LEPR: variants seen among roughly 807,000 people sequenced by gnomAD.
LEPR encodes the protein OB receptor.
A neutral mutation model predicts 114.7 loss-of-function variants in LEPR; 56 were observed. The observed-to-expected ratio is 0.49, with a 90% confidence interval of 0.39 to 0.61. LEPR has a LOEUF of 0.61. Ranked by LOEUF, LEPR falls within the 20% of genes least tolerant of loss-of-function variation. LEPR has a pLI of 0.00. For missense variants in LEPR, 1,202 were observed against 1,352.9 expected, an observed-to-expected ratio of 0.89 and a Z score of 1.75; for synonymous variants, 443 against 461.4, an observed-to-expected ratio of 0.96 and a Z score of 0.51.
chr1:65,460,295 A>G (rs1646928643), intron 2 of LEPR, among the ~76,000 whole-genome samples: 1 of 152,192 alleles, frequency 6.6e-6, no homozygotes, highest in Non-Finnish European at 1.5e-5. Flanking sequence ...CAGAGTCAGG[A>G]GTCACCTCAG....
intron 3 of LEPR, among the ~76,000 whole-genome samples, chr1:65,569,404 C>T (rs1001709352): frequency 7.2e-5 from 11 of 152,050 alleles, no homozygotes; most frequent in Admixed American, 1.3e-4. Flanking sequence ...TATTTTCAAA[C>T]AAATATTTAA....
At chr1:65,516,119 A>T (rs1012126338) in intron 2 of LEPR, among the ~76,000 whole-genome samples, 1 of 152,200 alleles carries the variant, frequency 6.6e-6, no homozygotes, top group African/African-American at 2.4e-5. Flanking sequence ...GGCTTTCATT[A>T]AGTCAACTTT....
At chr1:65,575,204 C>T (rs149543518) in intron 5 of LEPR, among the ~76,000 whole-genome samples, 105 of 152,240 alleles carry the variant, frequency 6.9e-4, no homozygotes, top group African/African-American at 2.4e-3. Context: ...CTAGCTCCCC[C>T]ACAGGTAGAA....
chr1:65,583,823 C>T (rs1655149302), intron 5 of LEPR, among the ~76,000 whole-genome samples: 1 of 151,798 alleles, frequency 6.6e-6, no homozygotes. Context: ...AATTGGTAGA[C>T]AAAGACAGCT....
At chr1:65,603,482 C>T (rs1656593346) in intron 10 of LEPR, among the ~76,000 whole-genome samples, 1 of 152,194 alleles carries the variant, frequency 6.6e-6, no homozygotes, top group African/African-American at 2.4e-5. Context: ...ACTCCCATCT[C>T]TTTGGAAAGA....
In LEPR at chr1:65,598,699, A is replaced by G. The variant is rs1406695625; in HGVS notation, c.889A>G (p.Ser297Gly). ...CTCAGCTACATCCCTGCTAGTAGAC[A>G]GTATACTTCCTGGGTCTTCGTATGA... ...IVSATSLLVD[S>G]ILPGSSYEVQ... Residue 297 changes from serine to glycine, a missense_variant, in exon 8 of 20, where the codon AGT becomes GGT. By Grantham distance (56) the Ser-to-Gly change is moderately conservative. Coordinates refer to ENST00000349533, the MANE Select transcript of LEPR (RefSeq NM_002303.6). 1 of 1,613,556 alleles carries G rather than the reference A, an allele frequency of 6.2e-7. No individual in the cohort carries two copies. The highest frequency in any genetic ancestry group is 1.1e-5 in the South Asian group (1 of 91,070).
chr1:65,570,131 C>G (rs1477427943), intron 3 of LEPR, among the ~76,000 whole-genome samples: 1 of 152,020 alleles, frequency 6.6e-6, no homozygotes, highest in Non-Finnish European at 1.5e-5. Flanking sequence ...ATAATGGAAG[C>G]TAGAATAATA....
intron 2 of LEPR, among the ~76,000 whole-genome samples, chr1:65,515,852 A>G (rs538868798): frequency 6.6e-6 from 1 of 152,320 alleles, no homozygotes; most frequent in East Asian, 1.9e-4. Context: ...CATTTTGAAT[A>G]TCATGAAATT....
At chr1:65,549,779 T>A (rs1414660909) in intron 2 of LEPR, among the ~76,000 whole-genome samples, 2 of 152,100 alleles carry the variant, frequency 1.3e-5, no homozygotes, top group Non-Finnish European at 2.9e-5. Context: ...TAGCTCGGAG[T>A]AGTTTGATCG....
intron 12 of LEPR, 132 bp downstream of exon 12, chr1:65,609,033 AATAG>A: frequency 8.3e-7 from 1 of 1,207,868 alleles, no homozygotes; most frequent in Non-Finnish European, 1.2e-6. Context: ...ATTTTCATTA[AATAG>A]ATTTATCTAA....
chr1:65,506,546 C>T (rs180775889), intron 2 of LEPR, among the ~76,000 whole-genome samples: 17 of 152,248 alleles, frequency 1.1e-4, no homozygotes, highest in Admixed American at 6.5e-4. Flanking sequence ...GTTCACAGAT[C>T]CAGCGCTGTT....
chr1:65,469,086 A>G (rs1647051570), intron 2 of LEPR, among the ~76,000 whole-genome samples: 1 of 152,220 alleles, frequency 6.6e-6, no homozygotes, highest in Admixed American at 6.5e-5. Context: ...ATCATCATGT[A>G]TGCCCAATCT....
intron 11 of LEPR, among the ~76,000 whole-genome samples, chr1:65,608,233 CTT>C (rs1281303028): frequency 1.4e-4 from 19 of 133,964 alleles, no homozygotes; most frequent in Middle Eastern, 3.8e-3. Flanking sequence ...AGCATGGTAT[CTT>C]TTTTTTTTTT....
chr1:65,558,348 A>G, intron 2 of LEPR, among the ~76,000 whole-genome samples: 1 of 152,118 alleles, frequency 6.6e-6, no homozygotes, highest in Non-Finnish European at 1.5e-5. Context: ...AATTTACTGG[A>G]CTACCCACTG....
At chr1:65,604,736 G>A (rs557031618) in intron 10 of LEPR, among the ~76,000 whole-genome samples, 4 of 152,304 alleles carry the variant, frequency 2.6e-5, no homozygotes, top group South Asian at 2.1e-4. Flanking sequence ...TACCACCTGC[G>A]CTCCACCTCC....
rs553099491 is a variant in LEPR at position 65,493,191 on chromosome 1, C to G, written c.-21+67813C>G. Among the ~76,000 whole-genome samples, 3 of 152,070 alleles carry G rather than the reference C, an allele frequency of 2.0e-5. No homozygotes were observed. In the East Asian group the frequency reaches 5.8e-4, roughly 29 times the overall value. On this transcript the variant is annotated intron_variant, in intron 2 of 19. Coordinates refer to ENST00000349533, the MANE Select transcript of LEPR (RefSeq NM_002303.6). Reference sequence around the variant, plus strand: ...TGCTGGCCATTGCTCCTTGTTTTTTCTCTTATTTCAGGTACTTTTTTGTAT... The same window carrying G: ...TGCTGGCCATTGCTCCTTGTTTTTTGTCTTATTTCAGGTACTTTTTTGTAT...
chr1:65,501,868 C>T (rs1160415996), intron 2 of LEPR, among the ~76,000 whole-genome samples: 2 of 152,096 alleles, frequency 1.3e-5, no homozygotes, highest in Non-Finnish European at 2.9e-5. Context: ...ATTCCCTTAG[C>T]TTTTCCTTTA....
At chr1:65,537,195 G>T (rs558242007) in intron 2 of LEPR, among the ~76,000 whole-genome samples, 1 of 152,156 alleles carries the variant, frequency 6.6e-6, no homozygotes, top group Non-Finnish European at 1.5e-5. Context: ...CTCACCTTTC[G>T]TTGGCCCCTA....
chr1:65,450,242 T>A (rs977921970), intron 2 of LEPR, among the ~76,000 whole-genome samples: 1 of 131,092 alleles, frequency 7.6e-6, no homozygotes, highest in African/African-American at 4.3e-5. Context: ...AGTCCATAGA[T>A]TTTTTTTTTG....
Sources: gnomAD v4.1 joint callset for allele counts (sites outside exome capture counted in the v4.1 genomes callset) on GRCh38, gnomAD v4.1.1 for gene constraint, MANE v1.5 for transcripts, NCBI Gene and HGNC (gene_info 2026-07-23, HGNC 2026-07-21) for gene names.